Variants in HIPK3 observed in about 807,000 individuals in gnomAD.
HIPK3 encodes the protein homeodomain-interacting protein kinase 3.
In HIPK3, 47 loss-of-function variants were observed where a neutral mutation model predicts 124.2. The observed-to-expected ratio is 0.38, with a 90% CI of 0.30 to 0.48. The LOEUF is 0.48. Ranked by LOEUF, HIPK3 falls within the 20% of genes least tolerant of loss-of-function variation. The pLI is 0.98. For synonymous variants in HIPK3, 482 were observed against 515.2 expected (o/e 0.94, Z 0.87); for missense variants, 1,286 against 1,454.3 (o/e 0.88, Z 1.88).
intron 1 of HIPK3, among the ~76,000 whole-genome samples, chr11:33,276,550 T>A (rs1851275267): frequency 6.6e-6 from 1 of 152,198 alleles, no homozygotes; most frequent in Non-Finnish European, 1.5e-5. Context: ...GTGGCAAATA[T>A]TTTAGGCTTG....
chr11:33,281,524 G>A (rs1851411784), intron 1 of HIPK3, among the ~76,000 whole-genome samples: 1 of 152,028 alleles, frequency 6.6e-6, no homozygotes, highest in Admixed American at 6.6e-5. Flanking sequence ...CTTGGAACAG[G>A]TGATACATGT....
At chr11:33,321,274 G>T (rs552424465) in intron 2 of HIPK3, among the ~76,000 whole-genome samples, 9 of 152,318 alleles carry the variant, frequency 5.9e-5, no homozygotes, top group African/African-American at 2.2e-4. Context: ...ATAGGGTAAT[G>T]AAAGCCTTTT....
At chr11:33,347,215 C>A in intron 8 of HIPK3, 78 bp from the exon 9 acceptor site, 1 of 1,349,744 alleles carries the variant, frequency 7.4e-7, no homozygotes, top group Non-Finnish European at 1.0e-6. Context: ...CTAAGCAATT[C>A]TTGACATTTA....
intron 2 of HIPK3, 115 bp from the exon 3 acceptor site, chr11:33,328,395 C>A: frequency 1.0e-6 from 1 of 967,000 alleles, no homozygotes; most frequent in Non-Finnish European, 1.6e-6. Flanking sequence ...GTGAAGAGTT[C>A]CTATACATAG....
chr11:33,311,591 C>T (rs549950967), intron 2 of HIPK3, among the ~76,000 whole-genome samples: 2 of 152,306 alleles, frequency 1.3e-5, no homozygotes, highest in South Asian at 4.1e-4. Flanking sequence ...TGTACACATA[C>T]AGCCTGCCAC....
At chr11:33,286,328 A>G in intron 1 of HIPK3, 85 bp from the exon 2 acceptor site, 1 of 1,207,876 alleles carries the variant, frequency 8.3e-7, no homozygotes, top group Non-Finnish European at 1.1e-6. Context: ...TTTCTTCCTG[A>G]TATTTAAAAT....
rs1853752124 is a variant in HIPK3, at chr11:33,354,113, CAT to C, written c.*547_*548del. On this transcript the variant is annotated 3_prime_UTR_variant, in exon 17 of 17. Coordinates refer to ENST00000303296, the MANE Select transcript of HIPK3 (RefSeq NM_005734.5). ...AGCTGCATTGTAAACCGTTCCTACA[CAT>C]AGTGCCTTAAATATTTGAGGTTGTT... 1 of 155,308 alleles carries C rather than the reference CAT, an allele frequency of 6.4e-6. No individual in the cohort carries two copies. The highest frequency in any genetic ancestry group is 2.4e-5 in the African/African-American group (1 of 41,472). 9.6% of individuals were successfully genotyped at this position (155,308 alleles called of 1,614,324 possible).
upstream of HIPK3, chr11:33,257,327 A>G (rs1565047425): frequency 4.1e-6 from 4 of 983,536 alleles, no homozygotes; most frequent in Non-Finnish European, 4.8e-6. Context: ...GGCGCTGCGG[A>G]GGCGGTGGCC....
At position 33,286,814 on chromosome 11, in the gene HIPK3, T is replaced by C; in HGVS notation, c.400T>C (p.Leu134=). 1 of 1,613,966 alleles carries C rather than the reference T, an allele frequency of 6.2e-7. No individual in the cohort carries two copies. The highest frequency in any genetic ancestry group is 8.5e-7 in the Non-Finnish European group (1 of 1,179,988). ...TGGATTGAAGCGCAAGAGTGAGGAGTTGGATAATCATAGCAGCGCAATGCA... is the reference window on the plus strand; with the variant it reads ...TGGATTGAAGCGCAAGAGTGAGGAGCTGGATAATCATAGCAGCGCAATGCA... The part of the protein sequence containing the change: ...RCGLKRKSEE[L]DNHSSAMQIV... Residue 134 remains leucine, a synonymous_variant, in exon 2 of 17, where the codon TTG becomes CTG. Coordinates refer to ENST00000303296, the MANE Select transcript of HIPK3 (RefSeq NM_005734.5).
chr11:33,337,377 A>G (rs1478767800), intron 4 of HIPK3, among the ~76,000 whole-genome samples, 183 bp downstream of exon 4: 1 of 148,928 alleles, frequency 6.7e-6, no homozygotes, highest in African/African-American at 2.5e-5. Context: ...ATTTTTTGAG[A>G]TGGAGTTTCT....
At position 33,324,633 on chromosome 11, in the gene HIPK3, A is replaced by T. The variant is rs192553267; in HGVS notation, c.1098-3877A>T. ...GCTGCAGTGCTCAGGCTGAGGCCAT[A>T]CTTCCTTTGGGCCCCTTCCCACCAA... On this transcript the variant is annotated intron_variant, in intron 2 of 16. Transcript: ENST00000303296. Among the ~76,000 whole-genome samples the T allele has an allele frequency of 1.7e-4, 26 of 152,242 alleles. No homozygotes were observed. The East Asian group carries it at 3.5e-3, about 20-fold the overall frequency.
At chr11:33,293,072 C>A (rs1243999022) in intron 2 of HIPK3, among the ~76,000 whole-genome samples, 1 of 152,162 alleles carries the variant, frequency 6.6e-6, no homozygotes, top group Admixed American at 6.6e-5. Context: ...CCTGTGGCTG[C>A]AAATGTGTAG....
At chr11:33,303,293 A>G (rs567453428) in intron 2 of HIPK3, among the ~76,000 whole-genome samples, 1 of 152,304 alleles carries the variant, frequency 6.6e-6, no homozygotes, top group African/African-American at 2.4e-5. Context: ...AACAGTTATT[A>G]TACTGTATTG....
At chr11:33,353,053 T>A (rs770461133) in intron 16 of HIPK3, 39 bp from the exon 17 acceptor site, 1 of 1,157,894 alleles carries the variant, frequency 8.6e-7, no homozygotes, top group Admixed American at 2.2e-5. Context: ...TCTTTTAAGG[T>A]ATGTTATTCA....
chr11:33,292,026 A>C (rs190264397), intron 2 of HIPK3, among the ~76,000 whole-genome samples: 1 of 152,212 alleles, frequency 6.6e-6, no homozygotes, highest in African/African-American at 2.4e-5. Context: ...TTCTGTAACA[A>C]AATTAAGCTA....
intron 2 of HIPK3, among the ~76,000 whole-genome samples, chr11:33,300,525 C>G (rs141959438): frequency 2.0e-5 from 3 of 152,072 alleles, no homozygotes; most frequent in Non-Finnish European, 4.4e-5. Flanking sequence ...AAATTAAGAG[C>G]TATACATTTT....
chr11:33,299,243 G>A (rs946390780), intron 2 of HIPK3, among the ~76,000 whole-genome samples: 2 of 151,778 alleles, frequency 1.3e-5, no homozygotes, highest in African/African-American at 4.8e-5. Flanking sequence ...GGAGGTCGAG[G>A]CAGGTGGATC....
At position 33,287,522 on chromosome 11, in the gene HIPK3, A is replaced by G. The variant is rs1851590001; in HGVS notation, c.1097+11A>G. On this transcript the variant is annotated intron_variant, in intron 2 of 16. Coordinates refer to ENST00000303296, the MANE Select transcript of HIPK3 (RefSeq NM_005734.5). ...ATCTCGGTACTACAGGTAGGTAACA[A>G]CTCCATACTTTTTGGTTGTTTATTA... 2 of 1,587,982 alleles carry G rather than the reference A, an allele frequency of 1.3e-6. No homozygotes were observed. The highest frequency in any genetic ancestry group is 1.7e-6 in the Non-Finnish European group (2 of 1,166,242).
At chr11:33,273,332 G>A (rs1033069567) in intron 1 of HIPK3, among the ~76,000 whole-genome samples, 6 of 151,808 alleles carry the variant, frequency 4.0e-5, no homozygotes, top group East Asian at 3.9e-4. Context: ...GTGAAACCCC[G>A]TCTGTACTAA....
Sources: gnomAD v4.1 joint callset for allele counts (sites outside exome capture counted in the v4.1 genomes callset) on GRCh38, gnomAD v4.1.1 for gene constraint, MANE v1.5 for transcripts, NCBI Gene and HGNC (gene_info 2026-07-23, HGNC 2026-07-21) for gene names.